TBRG4: variants seen among roughly 807,000 people sequenced by gnomAD.
The protein encoded by TBRG4 is FAST kinase domain-containing protein 4.
TBRG4 carries 43 observed loss-of-function variants against 65.6 expected under a neutral mutation model. The ratio of observed to expected loss-of-function variants is 0.66; its 90% CI spans 0.51 to 0.85. The LOEUF (loss-of-function observed/expected upper bound fraction) is 0.85, where lower values mean the gene tolerates loss of function less well. Ranked by LOEUF, TBRG4 falls within the 40% of genes least tolerant of loss-of-function variation. The pLI is 0.00. For synonymous variants in TBRG4, 366 were observed against 341.4 expected, an observed-to-expected ratio of 1.07 and a Z score of -0.79; for missense variants, 709 against 787.9, an observed-to-expected ratio of 0.90 and a Z score of 1.20.
chr7:45,111,332 C>G (rs1308630747), intron 1 of TBRG4: 2 of 169,558 alleles, frequency 1.2e-5, no homozygotes, highest in African/African-American at 2.4e-5. Context: ...TTTAGGCAAA[C>G]AGCAATCCAA....
chr7:45,106,016 G>T, intron 2 of TBRG4: 1 of 705,810 alleles, frequency 1.4e-6, no homozygotes, highest in Non-Finnish European at 2.6e-6. Context: ...CAGTAACAGG[G>T]CCTGTGAGTC....
intron 1 of TBRG4, among the ~76,000 whole-genome samples, chr7:45,109,688 C>T (rs531778718): frequency 2.6e-5 from 4 of 152,084 alleles, no homozygotes; most frequent in African/African-American, 4.8e-5. Flanking sequence ...TTAAAAATTA[C>T]GGGCTTGGCC....
intron 10 of TBRG4, 89 bp from the exon 11 acceptor site, chr7:45,100,515 G>T (rs1584023045): frequency 2.9e-6 from 3 of 1,029,896 alleles, no homozygotes; most frequent in East Asian, 5.0e-5. Context: ...TCCTCACATT[G>T]ACCCCTCACC....
intron 6 of TBRG4, 69 bp downstream of exon 6, chr7:45,103,264 A>T: frequency 1.5e-6 from 2 of 1,301,122 alleles, no homozygotes; most frequent in Non-Finnish European, 2.2e-6. Flanking sequence ...TGATCTTGGG[A>T]GGACGGTTCA....
chr7:45,105,531 C>T lies in TBRG4; in HGVS notation c.645G>A (p.Trp215Ter). ...ATGTGTGGGAATCTTCAATTTCTGT[C>T]CAACGCCTTTCCAGGTGTGTGAGCA... ...AELLTHLERRWTEIEDSHTLV... is the reference protein window; with the variant it reads ...AELLTHLERR Residue 215 changes from tryptophan (W) to a stop codon, truncating the protein, a stop_gained, in exon 3 of 11, where the codon TGG (tryptophan) becomes TGA (stop). Coordinates refer to ENST00000258770, the MANE Select transcript of TBRG4 (RefSeq NM_004749.4). LOFTEE classifies it high-confidence loss of function. 1 of 1,614,214 alleles carries T rather than the reference C, an allele frequency of 6.2e-7. No homozygotes were observed. Among genetic ancestry groups the T allele is most frequent in the Non-Finnish European group, 8.5e-7 (1 of 1,180,048 alleles).
chr7:45,110,352 T>C (rs940383475), intron 1 of TBRG4, among the ~76,000 whole-genome samples: 1 of 152,078 alleles, frequency 6.6e-6, no homozygotes. Flanking sequence ...ATGTGTTACA[T>C]ATAGCCTTGA....
chr7:45,105,558 C>A lies in TBRG4; in HGVS notation c.618G>T (p.Glu206Asp), dbSNP rs1784920882. ...AACGCCTTTCCAGGTGTGTGAGCAGCTCAGCCAGCAGCTCCTGCGAGTGCT... is the reference window on the plus strand; with the variant it reads ...AACGCCTTTCCAGGTGTGTGAGCAGATCAGCCAGCAGCTCCTGCGAGTGCT... Reference protein sequence around the residue: ...QEQHSQELLAELLTHLERRWT... With the variant: ...QEQHSQELLADLLTHLERRWT... The change falls in exon 3 of 11, where the codon GAG (glutamate) becomes GAT (aspartate). Residue 206 changes from glutamate (E) to aspartate (D), a missense_variant. Transcript: ENST00000258770. 1 of 1,614,172 alleles carries A rather than the reference C, an allele frequency of 6.2e-7. No individual in the cohort carries two copies. Among genetic ancestry groups the A allele is most frequent in the East Asian group, 2.2e-5 (1 of 44,886 alleles).
At position 45,104,905 on chromosome 7, in the gene TBRG4, G is replaced by A. The variant is rs542979670; in HGVS notation, c.736-196C>T. Reference sequence around the variant, plus strand: ...ACCCCAGGGAACCCCTGGACCTGGAGCACTGTCCACAGCCAAACTTATCCC... The same window carrying A: ...ACCCCAGGGAACCCCTGGACCTGGAACACTGTCCACAGCCAAACTTATCCC... On this transcript the variant is annotated intron_variant, in intron 3 of 10. Transcript: ENST00000258770. 2.4e-4 allele frequency: 219 copies of A among 916,840 alleles called. No individual in the cohort carries two copies. In the South Asian group the frequency reaches 2.6e-3, roughly 11 times the overall value. 56.8% of individuals were successfully genotyped at this position (916,840 alleles called of 1,614,324 possible). A position where few individuals can be genotyped will look rare whatever the true frequency, so the allele number is the denominator to read the frequency against.
intron 2 of TBRG4, among the ~76,000 whole-genome samples, chr7:45,108,418 C>T (rs886414712): frequency 2.6e-5 from 4 of 152,242 alleles, no homozygotes; most frequent in Non-Finnish European, 5.9e-5. Context: ...CCACGTCTGT[C>T]TCAAGTTTCA....
At position 45,102,741 on chromosome 7, in the gene TBRG4, C is replaced by T. The variant is rs146646032; in HGVS notation, c.1177-250G>A. 2.5e-4 allele frequency: 132 copies of T among 530,056 alleles called. 1 individual carries two copies. In the Middle Eastern group the frequency reaches 2.9e-3, roughly 12 times the overall value. The allele number at this position is 530,056 out of a possible 1,614,324, so 32.8% of individuals were successfully genotyped here. A position where few individuals can be genotyped will look rare whatever the true frequency, so the allele number is the denominator to read the frequency against. On this transcript the variant is annotated intron_variant, in intron 6 of 10. Transcript: ENST00000258770. Reference sequence around the variant, plus strand: ...GCAGAAGAGTGCTGCTGAATGCTGGCATTTGATTAGGTTTACTACAACCAA... The same window carrying T: ...GCAGAAGAGTGCTGCTGAATGCTGGTATTTGATTAGGTTTACTACAACCAA...
chr7:45,110,732 A>C (rs7810512), intron 1 of TBRG4: 56,997 of 151,944 alleles, frequency 0.38, 12,505 homozygotes, highest in African/African-American at 0.62. Context: ...CAAGGGCAAG[A>C]TAAAACGTTC....
chr7:45,106,796 C>T (rs188637577), intron 2 of TBRG4: 1 of 152,210 alleles, frequency 6.6e-6, no homozygotes, highest in Admixed American at 6.5e-5. Flanking sequence ...ACAAAACACA[C>T]TGGCTTTTCT....
chr7:45,109,651 A>T (rs948176266), intron 1 of TBRG4, among the ~76,000 whole-genome samples: 2 of 151,884 alleles, frequency 1.3e-5, no homozygotes, highest in Non-Finnish European at 2.9e-5. Flanking sequence ...ATTTTTTTTT[A>T]TTTTTTTATT....
Position 45,101,337 on chromosome 7 carries a change from T to C in TBRG4, c.1715A>G (p.Asn572Ser), listed in dbSNP as rs80211791. ...AFLRWEFPNFNSRSKDLLGRF... is the reference protein window; with the variant it reads ...AFLRWEFPNFSSRSKDLLGRF... ...ACCCAGCAAGTCCTTGCTTCGGCTGTTGAAGTTGGGGAACTCCCACCGCAA... is the reference window on the plus strand; with the variant it reads ...ACCCAGCAAGTCCTTGCTTCGGCTGCTGAAGTTGGGGAACTCCCACCGCAA... The change falls in exon 10 of 11, where the codon AAC (asparagine) becomes AGC (serine). Residue 572 changes from asparagine (N) to serine (S), a missense_variant. Coordinates refer to ENST00000258770, the MANE Select transcript of TBRG4 (RefSeq NM_004749.4). 6.2e-7 allele frequency: 1 copy of C among 1,613,804 alleles called. No individual in the cohort carries two copies. The highest frequency in any genetic ancestry group is 8.5e-7 in the Non-Finnish European group (1 of 1,180,004).
intron 5 of TBRG4, 48 bp from the exon 6 acceptor site, chr7:45,103,491 G>GGACAGCC (rs59494919): frequency 0.3 from 447,796 of 1,479,540 alleles, 74,698 homozygotes; most frequent in African/African-American, 0.65. Flanking sequence ...TCTCTGCCCA[G>GGACAGCC]CACGCTGTCC....
chr7:45,103,357 G>C lies in TBRG4; in HGVS notation c.1152C>G (p.Asp384Glu), dbSNP rs546685314. ...CCAGGCTGAAGAACTGATCCTCTTGGTCTGGATGGAAGTTCAGACGCGCAA... is the reference window on the plus strand; with the variant it reads ...CCAGGCTGAAGAACTGATCCTCTTGCTCTGGATGGAAGTTCAGACGCGCAA... ...LAFARLNFHP[D>E]QEDQFFSLVH... Residue 384 changes from aspartate (D) to glutamate (E), a missense_variant, in exon 6 of 11, where the codon GAC (aspartate) becomes GAG (glutamate). By Grantham distance (45) the Asp-to-Glu change is conservative. Transcript: ENST00000258770. 6.2e-7 allele frequency: 1 copy of C among 1,613,736 alleles called. No homozygotes were observed. Among genetic ancestry groups the C allele is most frequent in the Admixed American group, 1.7e-5 (1 of 59,982 alleles).
intron 2 of TBRG4, among the ~76,000 whole-genome samples, chr7:45,107,977 T>C (rs1365219475): frequency 6.6e-6 from 1 of 152,212 alleles, no homozygotes; most frequent in Non-Finnish European, 1.5e-5. Context: ...CATTAGTGAA[T>C]CCCCTTACTA....
intron 1 of TBRG4, 106 bp from the exon 2 acceptor site, chr7:45,109,393 A>G: frequency 1.0e-6 from 1 of 977,464 alleles, no homozygotes; most frequent in Non-Finnish European, 1.4e-6. Flanking sequence ...AATCAGACTA[A>G]GTCTTTCTTG....
At position 45,102,416 on chromosome 7, in the gene TBRG4, C is replaced by A; in HGVS notation, c.1252G>T (p.Val418Leu). 1 of 1,613,974 alleles carries A rather than the reference C, an allele frequency of 6.2e-7. No individual in the cohort carries two copies. The highest frequency in any genetic ancestry group is 1.3e-5 in the African/African-American group (1 of 75,064). ...LQVDLVWALCVLQQAREAELQ... is the reference protein window; with the variant it reads ...LQVDLVWALCLLQQAREAELQ... ...TCTGCTTCCCGTGCCTGCTGCAGCA[C>A]ACACAGGGCCCACACCAGGTCCACC... Residue 418 changes from valine to leucine, a missense_variant, in exon 7 of 11, where the codon GTG (valine) becomes TTG (leucine). By Grantham distance (32) the Val-to-Leu change is conservative. Transcript: ENST00000258770.
Sources: gnomAD v4.1 joint callset for allele counts (sites outside exome capture counted in the v4.1 genomes callset) on GRCh38, gnomAD v4.1.1 for gene constraint, MANE v1.5 for transcripts, NCBI Gene and HGNC (gene_info 2026-07-23, HGNC 2026-07-21) for gene names.